SENP6: variants seen among roughly 807,000 people sequenced by gnomAD.
SENP6 encodes sentrin-specific protease 6.
SENP6 carries 41 observed loss-of-function variants against 134.5 expected under a neutral mutation model. That is an observed-to-expected ratio of 0.30 (90% CI 0.24 to 0.40). The LOEUF (loss-of-function observed/expected upper bound fraction) is 0.40, where lower values mean the gene tolerates loss of function less well. Among genes scored for constraint, SENP6 ranks in the 10% least tolerant of loss-of-function variants. The pLI, the probability that SENP6 is intolerant of heterozygous loss-of-function variation, is 1.00. For synonymous variants in SENP6, 395 were observed against 429.8 expected (o/e 0.92, Z 1.00); for missense variants, 1,248 against 1,312.5 (o/e 0.95, Z 0.76).
At chr6:75,636,046 T>TAA (rs147555561) in intron 5 of SENP6, among the ~76,000 whole-genome samples, 2 of 151,308 alleles carry the variant, frequency 1.3e-5, no homozygotes, top group East Asian at 3.9e-4. Flanking sequence ...CTGGTAATGT[T>TAA]AAAAAAAAAC....
In SENP6 at chr6:75,673,875, G is replaced by A. The variant is rs548092561; in HGVS notation, c.1393-1560G>A. On this transcript the variant is annotated intron_variant, in intron 11 of 23. Transcript: ENST00000447266. ...ATCTCTACTAAGACTACAAAAATTAGTGGGGTGTGGTGGCGTGCACCCGTA... is the reference window on the plus strand; with the variant it reads ...ATCTCTACTAAGACTACAAAAATTAATGGGGTGTGGTGGCGTGCACCCGTA... 4.6e-5 allele frequency among the ~76,000 whole-genome samples: 7 copies of A among 151,860 alleles called. No individual in the cohort carries two copies. In the South Asian group the frequency reaches 1.5e-3, roughly 32 times the overall value.
intron 7 of SENP6, among the ~76,000 whole-genome samples, chr6:75,656,191 G>T (rs1771317931): frequency 6.8e-6 from 1 of 146,448 alleles, no homozygotes; most frequent in East Asian, 2.0e-4. Context: ...TCCAGCCTGG[G>T]CGACAGAGCA....
At chr6:75,692,285 C>A (rs1305478659) in intron 16 of SENP6, among the ~76,000 whole-genome samples, 1 of 152,082 alleles carries the variant, frequency 6.6e-6, no homozygotes, top group Non-Finnish European at 1.5e-5. Context: ...TCACAGAAAT[C>A]TTATGGGTGC....
intron 18 of SENP6, among the ~76,000 whole-genome samples, chr6:75,701,731 C>T (rs1054927335): frequency 2.0e-5 from 3 of 150,114 alleles, no homozygotes; most frequent in Non-Finnish European, 4.4e-5. Context: ...CCTCCGCCTC[C>T]CGGGTTCAAG....
intron 2 of SENP6, 53 bp downstream of exon 2, chr6:75,621,678 G>C: frequency 9.5e-7 from 1 of 1,054,244 alleles, no homozygotes; most frequent in Non-Finnish European, 1.4e-6. Context: ...CTTCTCATTA[G>C]AAAAACAATT....
chr6:75,651,500 G>C (rs886379062), intron 7 of SENP6, among the ~76,000 whole-genome samples: 5 of 152,098 alleles, frequency 3.3e-5, no homozygotes, highest in Admixed American at 3.3e-4. Flanking sequence ...GCAGGCGCAT[G>C]CTGCCACATC....
At chr6:75,683,055 T>A (rs1582849609) in intron 16 of SENP6, among the ~76,000 whole-genome samples, 1 of 152,310 alleles carries the variant, frequency 6.6e-6, no homozygotes, top group East Asian at 1.9e-4. Context: ...CTCCACATCC[T>A]CTCCAGCATC....
intron 17 of SENP6, 95 bp downstream of exon 17, chr6:75,696,018 A>G (rs978238554): frequency 1.0e-4 from 115 of 1,129,366 alleles, no homozygotes; most frequent in Non-Finnish European, 7.9e-5. Context: ...AAATCTCTGC[A>G]GTTCTCTTGC....
intron 9 of SENP6, among the ~76,000 whole-genome samples, chr6:75,663,824 G>GA (rs1562021717): frequency 7.4e-6 from 1 of 134,510 alleles, no homozygotes; most frequent in African/African-American, 3.1e-5. Context: ...TTTTTTGTGG[G>GA]GGGGGGGGTG....
intron 7 of SENP6, among the ~76,000 whole-genome samples, chr6:75,651,722 A>G (rs1043189475): frequency 2.0e-5 from 3 of 152,158 alleles, no homozygotes; most frequent in Non-Finnish European, 2.9e-5. Flanking sequence ...GATCTTTTCT[A>G]TGCACATATA....
chr6:75,643,199 A>C (rs1770161891), intron 6 of SENP6, among the ~76,000 whole-genome samples: 1 of 152,198 alleles, frequency 6.6e-6, no homozygotes, highest in African/African-American at 2.4e-5. Flanking sequence ...TAGAAATATA[A>C]AAAGTAATAG....
intron 11 of SENP6, among the ~76,000 whole-genome samples, chr6:75,671,418 G>A (rs563498294): frequency 8.5e-5 from 13 of 152,226 alleles, no homozygotes; most frequent in African/African-American, 2.4e-4. Context: ...TTTACATAAA[G>A]CACTTGTCTT....
intron 16 of SENP6, among the ~76,000 whole-genome samples, chr6:75,692,670 G>A (rs1351573190): frequency 6.6e-6 from 1 of 151,896 alleles, no homozygotes; most frequent in Non-Finnish European, 1.5e-5. Flanking sequence ...GCTCAAACCT[G>A]TAATCCTGGA....
chr6:75,606,184 A>AAGATT (rs1561956189), intron 1 of SENP6, among the ~76,000 whole-genome samples: 1 of 152,212 alleles, frequency 6.6e-6, no homozygotes, highest in African/African-American at 2.4e-5. Flanking sequence ...CTTTATAACT[A>AAGATT]CTAAGATTCT....
chr6:75,648,210 CTG>C (rs1216149593), intron 7 of SENP6, among the ~76,000 whole-genome samples: 2 of 152,152 alleles, frequency 1.3e-5, no homozygotes, highest in South Asian at 2.1e-4. Flanking sequence ...CCTGCTAAAA[CTG>C]TGTTAATAGT....
intron 21 of SENP6, among the ~76,000 whole-genome samples, chr6:75,711,969 G>A (rs1192009448): frequency 6.6e-6 from 1 of 152,132 alleles, no homozygotes; most frequent in Non-Finnish European, 1.5e-5. Flanking sequence ...CATCGCGCCC[G>A]GCCACAAGTT....
intron 5 of SENP6, 85 bp downstream of exon 5, chr6:75,634,896 T>C (rs1769388967): frequency 1.2e-6 from 1 of 817,196 alleles, no homozygotes; most frequent in African/African-American, 1.7e-5. Flanking sequence ...TTTTTTCCTT[T>C]GTGAAACCTT....
Position 75,602,128 on chromosome 6 carries a change from T to G in SENP6, c.-397T>G. 1.5e-4 allele frequency: 24 copies of G among 159,890 alleles called. No homozygotes were observed. The highest frequency in any genetic ancestry group is 2.4e-4 in the Non-Finnish European group (18 of 74,306). 9.9% of individuals were successfully genotyped at this position (159,890 alleles called of 1,614,324 possible). On this transcript the variant is annotated 5_prime_UTR_variant, in exon 1 of 24. Coordinates refer to ENST00000447266, the MANE Select transcript of SENP6 (RefSeq NM_015571.4). ...TTACGGCCTGGGACGAAGGGAGGCGTGTTTGTGTGCTCGCTTTCATTCTCC... is the reference window on the plus strand; with the variant it reads ...TTACGGCCTGGGACGAAGGGAGGCGGGTTTGTGTGCTCGCTTTCATTCTCC...
chr6:75,636,975 G>C (rs548952164), intron 5 of SENP6, among the ~76,000 whole-genome samples: 1 of 151,592 alleles, frequency 6.6e-6, no homozygotes, highest in South Asian at 2.1e-4. Context: ...CAAACTTCTG[G>C]TCTCAAGCAA....
Sources: gnomAD v4.1 joint callset for allele counts (sites outside exome capture counted in the v4.1 genomes callset) on GRCh38, gnomAD v4.1.1 for gene constraint, MANE v1.5 for transcripts, NCBI Gene and HGNC (gene_info 2026-07-23, HGNC 2026-07-21) for gene names.